ANXA11: variants seen among roughly 807,000 people sequenced by gnomAD.
The protein encoded by ANXA11 is 56 kDa autoantigen.
A neutral mutation model predicts 64.7 loss-of-function variants in ANXA11; 57 were observed. The observed-to-expected ratio is 0.88, with a 90% CI of 0.71 to 1.10. The LOEUF (loss-of-function observed/expected upper bound fraction) is 1.10, where lower values mean the gene tolerates loss of function less well. Ranked by LOEUF, ANXA11 falls within the 50% of genes least tolerant of loss-of-function variation. The pLI is 0.00. For synonymous variants in ANXA11, 260 were observed against 265.2 expected (o/e 0.98, Z 0.19); for missense variants, 675 against 670.7 (o/e 1.01, Z -0.07).
In ANXA11 at chr10:80,159,204, A is replaced by G. The variant is rs1358923858; in HGVS notation, c.1181-9T>C. ...CTGGTACTCATTGAAAACTATGGGGATGACAGAGGCTTATATTATGAACTG... is the reference window on the plus strand; with the variant it reads ...CTGGTACTCATTGAAAACTATGGGGGTGACAGAGGCTTATATTATGAACTG... On this transcript the variant is annotated splice_polypyrimidine_tract_variant and intron_variant, in intron 12 of 15. Coordinates refer to ENST00000422982, the MANE Select transcript of ANXA11 (RefSeq NM_145868.2). 6.2e-7 allele frequency: 1 copy of G among 1,610,200 alleles called. No homozygotes were observed. The highest frequency in any genetic ancestry group is 1.7e-5 in the Admixed American group (1 of 60,014).
At chr10:80,166,044 A>ACACACGCACG in intron 8 of ANXA11, 40 bp downstream of exon 8, 1 of 173,878 alleles carries the variant, frequency 5.8e-6, no homozygotes, top group South Asian at 5.5e-5. Context: ...ACACGCGCGC[A>ACACACGCACG]CACACACACA....
At chr10:80,176,862 G>C (rs116201141) in intron 1 of ANXA11, among the ~76,000 whole-genome samples, 1 of 152,150 alleles carries the variant, frequency 6.6e-6, no homozygotes, top group Non-Finnish European at 1.5e-5. Context: ...CTGTGGTCCT[G>C]CGACCCTGGG....
intron 8 of ANXA11, among the ~76,000 whole-genome samples, chr10:80,165,813 T>C (rs576728792): frequency 6.6e-6 from 1 of 152,276 alleles, no homozygotes; most frequent in East Asian, 1.9e-4. Flanking sequence ...CCCCCTTTTC[T>C]TTAAGATGGA....
At chr10:80,170,985 G>A (rs1845951089) in intron 3 of ANXA11, 70 bp from the exon 4 acceptor site, 2 of 1,527,940 alleles carry the variant, frequency 1.3e-6, no homozygotes, top group African/African-American at 1.4e-5. Flanking sequence ...AGAGATGAGA[G>A]CTCCCAGGTG....
At chr10:80,198,770 A>G (rs1840281821) in intron 1 of ANXA11, among the ~76,000 whole-genome samples, 3 of 152,058 alleles carry the variant, frequency 2.0e-5, no homozygotes, top group Non-Finnish European at 2.9e-5. Context: ...AGAGAGAGAG[A>G]GACGGGGCTC....
chr10:80,166,129 C>T lies in ANXA11; in HGVS notation c.813G>A (p.Lys271=), dbSNP rs1845725983. The stretch of plus-strand genomic sequence containing the variant: ...CATAAATGTCAAAGAGGACTGGGGT[C>T]TTCATCAGAGCCAAGATTGTCTTCT... ...NFEKTILALM[K]TPVLFDIYEI... Residue 271 remains lysine, a synonymous_variant, in exon 8 of 16, where the codon AAG becomes AAA. Transcript: ENST00000422982. 6 of 1,613,048 alleles carry T rather than the reference C, an allele frequency of 3.7e-6. No individual in the cohort carries two copies. The highest frequency in any genetic ancestry group is 5.1e-6 in the Non-Finnish European group (6 of 1,179,484).
At chr10:80,159,005 G>T in intron 13 of ANXA11, 95 bp downstream of exon 13, 2 of 896,922 alleles carry the variant, frequency 2.2e-6, no homozygotes, top group Non-Finnish European at 1.8e-6. Context: ...GTCCCTTCAC[G>T]GTGTCACCCA....
At chr10:80,188,482 T>TAC in intron 1 of ANXA11, among the ~76,000 whole-genome samples, 3 of 59,098 alleles carry the variant, frequency 5.1e-5, no homozygotes, top group African/African-American at 2.9e-4. Flanking sequence ...TATTCTCACA[T>TAC]ATATATATAT....
At chr10:80,184,378 GTGCAAGAGTGACA>G (rs773121438) in intron 1 of ANXA11, among the ~76,000 whole-genome samples, 8 of 152,144 alleles carry the variant, frequency 5.3e-5, no homozygotes, top group Non-Finnish European at 1.2e-4. Flanking sequence ...CTTTATGATG[GTGCAAGAGTGACA>G]TGCACTCAAT....
At chr10:80,199,045 ATT>A (rs1840300251) in intron 1 of ANXA11, among the ~76,000 whole-genome samples, 1 of 151,736 alleles carries the variant, frequency 6.6e-6, no homozygotes, top group South Asian at 2.1e-4. Flanking sequence ...CCACGTTCTG[ATT>A]ATAAGAGAAA....
intron 1 of ANXA11, among the ~76,000 whole-genome samples, chr10:80,202,136 A>C (rs1840453963): frequency 6.9e-6 from 1 of 143,986 alleles, no homozygotes; most frequent in Non-Finnish European, 1.5e-5. Flanking sequence ...CCCTTTGCAA[A>C]CATCTTCTCA....
At chr10:80,166,680 T>A (rs1300407222) in intron 7 of ANXA11, 1 of 583,098 alleles carries the variant, frequency 1.7e-6, no homozygotes, top group Non-Finnish European at 3.1e-6. Flanking sequence ...CAGGGATAGA[T>A]GTCTGGAGCC....
intron 1 of ANXA11, among the ~76,000 whole-genome samples, chr10:80,179,283 G>A (rs772918208): frequency 9.2e-5 from 14 of 152,158 alleles, no homozygotes; most frequent in Non-Finnish European, 1.5e-4. Flanking sequence ...TCCCCAAGCA[G>A]ATGCCAGCAT....
rs71034291 is a variant in ANXA11 at position 80,188,480 on chromosome 10, CATATATATAT to C, written c.-57-12335_-57-12326del. Among the ~76,000 whole-genome samples the C allele has an allele frequency of 2.0e-3, 204 of 100,580 alleles. 2 individuals carry two copies. The highest frequency in any genetic ancestry group is 2.5e-3 in the Non-Finnish European group (118 of 47,882). The allele number at this position is 100,580 out of a possible 152,430, so 66.0% of individuals were successfully genotyped here. A position where few individuals can be genotyped will look rare whatever the true frequency, so the allele number is the denominator to read the frequency against. On this transcript the variant is annotated intron_variant, in intron 1 of 15. Coordinates refer to ENST00000422982, the MANE Select transcript of ANXA11 (RefSeq NM_145868.2). ...CAGCTGTGAGAATGTAGTATTCTCA[CATATATATAT>C]ATATATATATATATATATATAGCAC... is the stretch of plus-strand genomic sequence containing the variant.
chr10:80,191,182 GC>G (rs1170755266), intron 1 of ANXA11, among the ~76,000 whole-genome samples: 2 of 152,096 alleles, frequency 1.3e-5, no homozygotes, highest in Non-Finnish European at 2.9e-5. Flanking sequence ...CCGAGATCAT[GC>G]CATTGCACTC....
chr10:80,177,201 C>A (rs531926717), intron 1 of ANXA11, among the ~76,000 whole-genome samples: 1 of 152,254 alleles, frequency 6.6e-6, no homozygotes, highest in African/African-American at 2.4e-5. Flanking sequence ...GTTGGCCAGG[C>A]TGGTCTCGAA....
In ANXA11 at chr10:80,177,860, G is replaced by C. The variant is rs145773717; in HGVS notation, c.-57-1705C>G. On this transcript the variant is annotated intron_variant, in intron 1 of 15. Transcript: ENST00000422982. The stretch of plus-strand genomic sequence containing the variant: ...AGGGGTGACCTTCAGGTGGACACAG[G>C]CTCCCAGCGCTGACCAATCTCCCCC... Among the ~76,000 whole-genome samples the C allele has an allele frequency of 7.6e-3, 1,159 of 152,230 alleles. 2 individuals are homozygous for C. The highest frequency in any genetic ancestry group is 9.5e-3 in the Non-Finnish European group (643 of 68,006).
chr10:80,160,901 C>T (rs1845477033), intron 12 of ANXA11, among the ~76,000 whole-genome samples: 1 of 152,098 alleles, frequency 6.6e-6, no homozygotes, highest in Non-Finnish European at 1.5e-5. Context: ...GTATAATCCT[C>T]GAACCCTCTC....
Position 80,159,201 on chromosome 10 carries a change from G to A in ANXA11, c.1181-6C>T, listed in dbSNP as rs1028638418. 6.2e-7 allele frequency: 1 copy of A among 1,611,730 alleles called. No individual in the cohort carries two copies. Among genetic ancestry groups the A allele is most frequent in the Admixed American group, 1.7e-5 (1 of 59,994 alleles). On this transcript the variant is annotated splice_region_variant and splice_polypyrimidine_tract_variant and intron_variant, in intron 12 of 15. Transcript: ENST00000422982. ...TCTCTGGTACTCATTGAAAACTATG[G>A]GGATGACAGAGGCTTATATTATGAA...
Sources: gnomAD v4.1 joint callset for allele counts (sites outside exome capture counted in the v4.1 genomes callset) on GRCh38, gnomAD v4.1.1 for gene constraint, MANE v1.5 for transcripts, NCBI Gene and HGNC (gene_info 2026-07-23, HGNC 2026-07-21) for gene names.